The following ANKS1B variants were observed in gnomAD, a reference collection of about 807,000 sequenced individuals.
ANKS1B encodes ankyrin repeat and sterile alpha motif domain containing 1B, also known as ankyrin repeat and sterile alpha motif domain-containing protein 1B.
Under a neutral mutation model 148.3 loss-of-function variants are expected in ANKS1B, and 36 were observed. The ratio of observed to expected loss-of-function variants is 0.24; its 90% CI spans 0.19 to 0.32. The LOEUF is 0.32. Ranked by LOEUF, ANKS1B falls within the 10% of genes least tolerant of loss-of-function variation. The pLI is 1.00. For synonymous variants in ANKS1B, 542 were observed against 560.8 expected, an observed-to-expected ratio of 0.97 and a Z score of 0.47; for missense variants, 1,157 against 1,542.6, an observed-to-expected ratio of 0.75 and a Z score of 4.19.
intron 17 of ANKS1B, among the ~76,000 whole-genome samples, chr12:99,009,030 G>T (rs1287636046): frequency 1.3e-5 from 2 of 152,138 alleles, no homozygotes; most frequent in African/African-American, 4.8e-5. Context: ...GTTCAATCAT[G>T]GTCTACACTT....
chr12:99,282,172 G>C (rs955274220), intron 12 of ANKS1B, among the ~76,000 whole-genome samples: 4 of 152,196 alleles, frequency 2.6e-5, no homozygotes, highest in East Asian at 3.8e-4. Flanking sequence ...TGTTTGAGTA[G>C]AGAACTGTAG....
Position 98,950,979 on chromosome 12 carries a change from G to A in ANKS1B, c.2778+102178C>T, listed in dbSNP as rs142753495. Among the ~76,000 whole-genome samples the A allele has an allele frequency of 2.9e-3, 443 of 152,048 alleles. 3 individuals carry two copies. The highest frequency in any genetic ancestry group is 0.01 in the African/African-American group (422 of 41,452). ...CTCTTATTTTTTTCTTTTCCAGCTC[G>A]GAGATTCTTAATTTGAGTTTCTGGG... On this transcript the variant is annotated intron_variant, in intron 17 of 26. Transcript: ENST00000683438.
chr12:99,063,440 A>G (rs1212426279), intron 16 of ANKS1B, among the ~76,000 whole-genome samples: 2 of 152,196 alleles, frequency 1.3e-5, no homozygotes, highest in Non-Finnish European at 2.9e-5. Context: ...ACAGGCTGTG[A>G]GACCTGGGCT....
At chr12:99,128,445 C>T (rs183884764) in intron 15 of ANKS1B, among the ~76,000 whole-genome samples, 26 of 152,184 alleles carry the variant, frequency 1.7e-4, no homozygotes, top group Middle Eastern at 3.4e-3. Flanking sequence ...TCAGGCAGTA[C>T]AGAAGGATGC....
At chr12:99,937,693 A>T (rs1417574775) in intron 1 of ANKS1B, among the ~76,000 whole-genome samples, 1 of 152,176 alleles carries the variant, frequency 6.6e-6, no homozygotes, top group Admixed American at 6.6e-5. Context: ...GTATTCTCCC[A>T]AATTAAATAC....
chr12:99,830,639 C>CAA (rs71436967), intron 1 of ANKS1B, among the ~76,000 whole-genome samples: 2 of 126,700 alleles, frequency 1.6e-5, no homozygotes. Context: ...CTGAAAGAAG[C>CAA]AAAAAAAAAA....
chr12:99,098,208 C>T (rs2056842496), intron 15 of ANKS1B, among the ~76,000 whole-genome samples: 1 of 152,168 alleles, frequency 6.6e-6, no homozygotes, highest in Non-Finnish European at 1.5e-5. Flanking sequence ...CAGTAAGTGG[C>T]AGAGCTGCTT....
At chr12:98,974,503 A>G (rs919118080) in intron 17 of ANKS1B, among the ~76,000 whole-genome samples, 1 of 152,220 alleles carries the variant, frequency 6.6e-6, no homozygotes, top group African/African-American at 2.4e-5. Context: ...CCCAAGCCCA[A>G]CCTAGTGTAG....
At chr12:99,765,248 T>C (rs2062536172) in intron 8 of ANKS1B, among the ~76,000 whole-genome samples, 1 of 152,208 alleles carries the variant, frequency 6.6e-6, no homozygotes, top group Non-Finnish European at 1.5e-5. Flanking sequence ...ATTTTTAACA[T>C]GTTTACACAA....
chr12:99,921,088 T>A (rs1436297655), intron 1 of ANKS1B, among the ~76,000 whole-genome samples: 1 of 152,156 alleles, frequency 6.6e-6, no homozygotes, highest in Admixed American at 6.5e-5. Context: ...GTGGAAAAAC[T>A]GACCAGGTGA....
intron 22 of ANKS1B, 122 bp downstream of exon 22, chr12:98,798,812 T>C (rs138126374): frequency 9.7e-6 from 7 of 722,694 alleles, no homozygotes; most frequent in Non-Finnish European, 1.3e-5. Context: ...TTTTATGTAA[T>C]ACCAATGTGA....
intron 12 of ANKS1B, among the ~76,000 whole-genome samples, chr12:99,333,854 G>GTTTTTTTTTTTTTTGTT (rs1555391371): frequency 1.9e-4 from 20 of 107,454 alleles, no homozygotes; most frequent in African/African-American, 8.0e-4. Context: ...CCAGTTCTCA[G>GTTTTTTTTTTTTTTGTT]TTTTTTTTTT....
intron 8 of ANKS1B, among the ~76,000 whole-genome samples, chr12:99,730,167 T>G (rs2058995653): frequency 6.6e-6 from 1 of 152,266 alleles, no homozygotes; most frequent in Non-Finnish European, 1.5e-5. Flanking sequence ...TTCTATAGAC[T>G]AATCCATCAA....
intron 12 of ANKS1B, among the ~76,000 whole-genome samples, chr12:99,370,278 G>A (rs1295114706): frequency 6.6e-6 from 1 of 152,138 alleles, no homozygotes; most frequent in Non-Finnish European, 1.5e-5. Context: ...GCTTGGCCAT[G>A]ACTTAAAAAA....
At chr12:99,749,460 A>T (rs1406529169) in intron 8 of ANKS1B, among the ~76,000 whole-genome samples, 21 of 152,052 alleles carry the variant, frequency 1.4e-4, no homozygotes, top group Non-Finnish European at 1.5e-5. Context: ...GAGTACTAGG[A>T]TCCATAAAAG....
At chr12:99,748,179 A>G (rs2060781077) in intron 8 of ANKS1B, among the ~76,000 whole-genome samples, 1 of 152,076 alleles carries the variant, frequency 6.6e-6, no homozygotes, top group South Asian at 2.1e-4. Context: ...GGTGCCACAA[A>G]TTGCAACCCT....
At chr12:99,260,796 A>G (rs1411647868) in intron 12 of ANKS1B, among the ~76,000 whole-genome samples, 1 of 152,160 alleles carries the variant, frequency 6.6e-6, no homozygotes, top group African/African-American at 2.4e-5. Flanking sequence ...ATGACCCTTC[A>G]ACCAATTAAA....
At chr12:99,237,368 C>T (rs1266748478) in intron 14 of ANKS1B, among the ~76,000 whole-genome samples, 1 of 152,018 alleles carries the variant, frequency 6.6e-6, no homozygotes, top group Admixed American at 6.6e-5. Context: ...GGGGGCTCCA[C>T]ACACATTTGG....
chr12:99,542,822 T>G (rs1419117461), intron 9 of ANKS1B, among the ~76,000 whole-genome samples: 2 of 152,050 alleles, frequency 1.3e-5, no homozygotes, highest in African/African-American at 4.8e-5. Flanking sequence ...CCTCATATAA[T>G]GTACAAAAAT....
Sources: gnomAD v4.1 joint callset for allele counts (sites outside exome capture counted in the v4.1 genomes callset) on GRCh38, gnomAD v4.1.1 for gene constraint, MANE v1.5 for transcripts, NCBI Gene and HGNC (gene_info 2026-07-23, HGNC 2026-07-21) for gene names.